ROBO4: variants seen among roughly 807,000 people sequenced by gnomAD.
The protein encoded by ROBO4 is roundabout homolog 4.
A neutral mutation model predicts 103.3 loss-of-function variants in ROBO4; 80 were observed. The observed-to-expected ratio is 0.77, with a 90% CI of 0.65 to 0.93. The LOEUF (loss-of-function observed/expected upper bound fraction) is 0.93. Ranked by LOEUF, ROBO4 falls within the 40% of genes least tolerant of loss-of-function variation. ROBO4 has a pLI of 0.00. For missense variants in ROBO4, 1,333 were observed against 1,305.3 expected (o/e 1.02, Z -0.33); for synonymous variants, 504 against 529.7 (o/e 0.95, Z 0.67).
In ROBO4 at chr11:124,887,728, C is replaced by G. The variant is rs1057321711; in HGVS notation, c.2056+5G>C. 1.2e-6 allele frequency: 2 copies of G among 1,613,536 alleles called. No individual in the cohort carries two copies. Among genetic ancestry groups the G allele is most frequent in the Admixed American group, 1.7e-5 (1 of 59,944 alleles). On this transcript the variant is annotated splice_donor_5th_base_variant and intron_variant, in intron 13 of 17. Coordinates refer to ENST00000306534, the MANE Select transcript of ROBO4 (RefSeq NM_019055.6). The stretch of plus-strand genomic sequence containing the variant: ...TTCACTTCCCTTTCAGGGACCCCCT[C>G]TCACCTGGGCTTTGGGAAAGGTTCT...
intron 12 of ROBO4, among the ~76,000 whole-genome samples, chr11:124,890,199 C>T (rs903625791): frequency 2.6e-5 from 4 of 152,128 alleles, no homozygotes; most frequent in African/African-American, 7.2e-5. Flanking sequence ...AATGCAATAG[C>T]TCTGAGGCAA....
chr11:124,894,074 A>G (rs746029174), intron 8 of ROBO4, 29 bp from the exon 9 acceptor site: 44 of 1,539,256 alleles, frequency 2.9e-5, no homozygotes, highest in Non-Finnish European at 3.5e-5. Flanking sequence ...TCAGAGGGAG[A>G]GGGAGTCGAG....
At chr11:124,890,806 G>A in intron 12 of ROBO4, among the ~76,000 whole-genome samples, 1 of 152,244 alleles carries the variant, frequency 6.6e-6, no homozygotes. Flanking sequence ...TGAGTTGGGA[G>A]TCGGTGCCCA....
In ROBO4 at chr11:124,897,694, G is replaced by A. The variant is rs754447754; in HGVS notation, c.70+32C>T. 49 of 1,606,080 alleles carry A rather than the reference G, an allele frequency of 3.1e-5. No individual in the cohort carries two copies. The Admixed American group carries it at 7.8e-4, about 26-fold the overall frequency. ...TGCCCTGAGCAGGCCTTGGATGGAG[G>A]AGCATGGGCCAGGAGAGGGAGAGCA... is the stretch of plus-strand genomic sequence containing the variant. On this transcript the variant is annotated intron_variant, in intron 1 of 17. Transcript: ENST00000306534.
chr11:124,891,256 G>T (rs117072286), intron 12 of ROBO4, 43 bp downstream of exon 12: 55,399 of 1,493,496 alleles, frequency 0.037, 1,194 homozygotes, highest in Non-Finnish European at 0.043. Context: ...TCCTGGGCCC[G>T]CCTACCACCA....
In ROBO4 at chr11:124,891,753, AG is replaced by A; in HGVS notation, c.1596del (p.Ser533LeufsTer6). The A allele has an allele frequency of 6.2e-7, 1 of 1,614,202 alleles. No homozygotes were observed. Among genetic ancestry groups the A allele is most frequent in the Non-Finnish European group, 8.5e-7 (1 of 1,180,038 alleles). On this transcript the variant is annotated frameshift_variant, in exon 11 of 18. Coordinates refer to ENST00000306534, the MANE Select transcript of ROBO4 (RefSeq NM_019055.6). LOFTEE classifies it high-confidence loss of function. Reference protein sequence around the residue: ...SQWLADTWRSTSGSRDLSSSS... With the variant: ...SQWLADTWRSXSGSRDLSSSS... ...CTGCTGCTCAGGTCCCGAGAGCCAG[AG>A]GTGGAACGCCAAGTGTCTGCCAACC... is the stretch of plus-strand genomic sequence containing the variant.
chr11:124,887,601 A>G (rs947541723), intron 13 of ROBO4, 102 bp from the exon 14 acceptor site: 2 of 1,550,746 alleles, frequency 1.3e-6, no homozygotes, highest in African/African-American at 1.4e-5. Context: ...CCTGTCCACT[A>G]CTCCATCCAA....
chr11:124,896,257 C>G lies in ROBO4; in HGVS notation c.620G>C (p.Cys207Ser). Residue 207 changes from cysteine (C) to serine (S), a missense_variant, in exon 4 of 18, where the codon TGT becomes TCT. Physicochemically the swap from Cys to Ser is moderately radical, Grantham distance 112 (BLOSUM62 -1). Coordinates refer to ENST00000306534, the MANE Select transcript of ROBO4 (RefSeq NM_019055.6). ...ATGTCCTGCGCTGTTGGTGGCCACACACATGTAGGTCCCTTCGTCACTCTT... is the reference window on the plus strand; with the variant it reads ...ATGTCCTGCGCTGTTGGTGGCCACAGACATGTAGGTCCCTTCGTCACTCTT... The part of the protein sequence containing the change: ...AEKSDEGTYM[C>S]VATNSAGHRE... 2 of 1,614,168 alleles carry G rather than the reference C, an allele frequency of 1.2e-6. No homozygotes were observed. Among genetic ancestry groups the G allele is most frequent in the Non-Finnish European group, 1.7e-6 (2 of 1,180,026 alleles).
chr11:124,887,913 A>C, intron 12 of ROBO4, 73 bp from the exon 13 acceptor site: 1 of 1,280,940 alleles, frequency 7.8e-7, no homozygotes, highest in Non-Finnish European at 1.1e-6. Flanking sequence ...CTCTATCTTC[A>C]GCCTTATTCA....
chr11:124,891,442 G>A lies in ROBO4; in HGVS notation c.1805C>T (p.Pro602Leu), dbSNP rs770990130. 2 of 1,600,432 alleles carry A rather than the reference G, an allele frequency of 1.2e-6. No individual in the cohort carries two copies. Among genetic ancestry groups the A allele is most frequent in the South Asian group, 1.1e-5 (1 of 88,650 alleles). Residue 602 changes from proline (P) to leucine (L), a missense_variant, in exon 12 of 18, where the codon CCA becomes CTA. Transcript: ENST00000306534. The stretch of plus-strand genomic sequence containing the variant: ...CTGGGGTGGGAGGCGCCTGACAGCT[G>A]GGACCTGGGGACTTGGCCTGGCTGG... ...STPARPSPQV[P>L]AVRRLPPQLA...
In ROBO4 at chr11:124,891,551, C is replaced by G; in HGVS notation, c.1696G>C (p.Asp566His). 6.2e-7 allele frequency: 1 copy of G among 1,614,178 alleles called. No individual in the cohort carries two copies. The highest frequency in any genetic ancestry group is 8.5e-7 in the Non-Finnish European group (1 of 1,180,034). Residue 566 changes from aspartate to histidine, a missense_variant, in exon 12 of 18, where the codon GAC becomes CAC. Asp to His is a moderately conservative substitution (Grantham distance 81). Transcript: ENST00000306534. Reference protein sequence around the residue: ...LDCRRSLLSWDSRSPGVPLLP... With the variant: ...LDCRRSLLSWHSRSPGVPLLP... ...AGGGGCACGCCGGGGCTTCGGGAGT[C>G]CCAGGAGAGCACTGTGACATAAATG...
At chr11:124,895,306 T>C (rs1422717921) in intron 6 of ROBO4, 113 bp from the exon 7 acceptor site, 12 of 1,148,810 alleles carry the variant, frequency 1.0e-5, no homozygotes, top group African/African-American at 1.5e-5. Context: ...AGAAGCCTCT[T>C]GAAGCTCTGC....
At position 124,895,084 on chromosome 11, in the gene ROBO4, G is replaced by A; in HGVS notation, c.1146C>T (p.Tyr382=). The A allele has an allele frequency of 6.2e-7, 1 of 1,611,750 alleles. No homozygotes were observed. Among genetic ancestry groups the A allele is most frequent in the Non-Finnish European group, 8.5e-7 (1 of 1,177,822 alleles). Residue 382 remains tyrosine, a synonymous_variant, in exon 7 of 18, where the codon TAC becomes TAT. Transcript: ENST00000306534. The part of the protein sequence containing the change: ...AENHNGIIRG[Y]QVWSLGNTSL... The stretch of plus-strand genomic sequence containing the variant: ...CTATGACAGCTAGTGGGGGTACCTG[G>A]TAGCCACGGATGATGCCATTGTGGT...
chr11:124,892,645 G>A (rs116021839), intron 10 of ROBO4: 8,671 of 154,336 alleles, frequency 0.056, 286 homozygotes, highest in South Asian at 0.11. Context: ...CCCTCCATGT[G>A]TCTTGTACCT....
chr11:124,887,661 T>G, intron 13 of ROBO4, 72 bp downstream of exon 13: 1 of 1,549,006 alleles, frequency 6.5e-7, no homozygotes, highest in Non-Finnish European at 8.9e-7. Context: ...GGGAGGGCCC[T>G]GGGCTGGTAA....
In ROBO4 at chr11:124,887,104, G is replaced by A. The variant is rs1040635118; in HGVS notation, c.2308C>T (p.Pro770Ser). 2 of 1,613,792 alleles carry A rather than the reference G, an allele frequency of 1.2e-6. No homozygotes were observed. Among genetic ancestry groups the A allele is most frequent in the Admixed American group, 1.7e-5 (1 of 60,006 alleles). ...GACAGGCGACTGGAAGCTGGGCTGG[G>A]GCCAGAGAGGGAAGAGGCCTGGGGG... is the stretch of plus-strand genomic sequence containing the variant. ...PSPQASSLSG[P>S]SPASSRLSSS... Residue 770 changes from proline to serine, a missense_variant, in exon 15 of 18, where the codon CCC (proline) becomes TCC (serine). Coordinates refer to ENST00000306534, the MANE Select transcript of ROBO4 (RefSeq NM_019055.6).
Position 124,895,182 on chromosome 11 carries a change from G to A in ROBO4, c.1048C>T (p.Pro350Ser). The A allele has an allele frequency of 6.2e-7, 1 of 1,613,016 alleles. No individual in the cohort carries two copies. The highest frequency in any genetic ancestry group is 1.3e-5 in the African/African-American group (1 of 75,002). The part of the protein sequence containing the change: ...LRLPEKVPSA[P>S]PQEVTLKPGN... ...GGCTTTAGAGTCACTTCCTGAGGTGGGGCACTGGGCACTGGAGGGGTGGAA... is the reference window on the plus strand; with the variant it reads ...GGCTTTAGAGTCACTTCCTGAGGTGAGGCACTGGGCACTGGAGGGGTGGAA... The change falls in exon 7 of 18, where the codon CCA becomes TCA. Residue 350 changes from proline to serine, a missense_variant. Transcript: ENST00000306534.
In ROBO4 at chr11:124,895,595, C is replaced by G. The variant is rs138580241; in HGVS notation, c.898G>C (p.Glu300Gln). Reference sequence around the variant, plus strand: ...GCGCTCTGCCAGCCGGCCAGCAGCTCCTCTGCCCACGGAGCTCCCTGGCCT... The same window carrying G: ...GCGCTCTGCCAGCCGGCCAGCAGCTGCTCTGCCCACGGAGCTCCCTGGCCT... Reference protein sequence around the residue: ...PGGQGAPWAEELLAGWQSAEL... With the variant: ...PGGQGAPWAEQLLAGWQSAEL... Residue 300 changes from glutamate (E) to glutamine (Q), a missense_variant, in exon 6 of 18, where the codon GAG (glutamate) becomes CAG (glutamine). Coordinates refer to ENST00000306534, the MANE Select transcript of ROBO4 (RefSeq NM_019055.6). The G allele has an allele frequency of 3.1e-6, 5 of 1,613,554 alleles. No individual in the cohort carries two copies. The highest frequency in any genetic ancestry group is 1.3e-5 in the African/African-American group (1 of 74,932).
intron 11 of ROBO4, 34 bp downstream of exon 11, chr11:124,891,632 C>G (rs1215365298): frequency 1.2e-6 from 2 of 1,614,082 alleles, no homozygotes; most frequent in Admixed American, 3.3e-5. Flanking sequence ...TCACTGCCCC[C>G]AGCTAGGCCC....
Sources: allele counts gnomAD v4.1 joint callset (sites outside exome capture counted in the v4.1 genomes callset), GRCh38; gene constraint gnomAD v4.1.1; transcripts MANE v1.5; gene names NCBI Gene and HGNC (gene_info 2026-07-23, HGNC 2026-07-21).